Variants in EXOC6 observed in about 807,000 individuals in gnomAD.
The protein encoded by EXOC6 is SEC15-like 1.
Under a neutral mutation model 112.5 loss-of-function variants are expected in EXOC6, and 60 were observed. That is an observed-to-expected ratio of 0.53 (90% CI 0.43 to 0.66). The LOEUF (loss-of-function observed/expected upper bound fraction) is 0.66, where lower values mean the gene tolerates loss of function less well. Among genes scored for constraint, EXOC6 ranks in the 30% least tolerant of loss-of-function variants. The probability of loss-of-function intolerance (pLI) is 0.00; values close to 1 mark genes in which losing one functional copy is unlikely to be tolerated. For synonymous variants in EXOC6, 295 were observed against 308.0 expected, an observed-to-expected ratio of 0.96 and a Z score of 0.44; for missense variants, 855 against 957.1, an observed-to-expected ratio of 0.89 and a Z score of 1.41.
chr10:93,053,274 C>T (rs1846388185), intron 20 of EXOC6, among the ~76,000 whole-genome samples: 2 of 152,174 alleles, frequency 1.3e-5, no homozygotes, highest in Non-Finnish European at 2.9e-5. Flanking sequence ...TGGATAGCTG[C>T]CTGTGGAAAT....
At chr10:92,988,839 A>ACACACG (rs939938926) in intron 18 of EXOC6, among the ~76,000 whole-genome samples, 9 of 145,322 alleles carry the variant, frequency 6.2e-5, no homozygotes, top group Non-Finnish European at 1.1e-4. Context: ...ACACACACAC[A>ACACACG]CGCATTTCTG....
rs77246624 is a variant in EXOC6 at position 92,948,383 on chromosome 10, C to G, written c.1416+4C>G. ...TCAAGATCCAGACCTTGAAAAGGTA[C>G]AAGCTAGTTTTTAATTCAAGGATTT... On this transcript the variant is annotated splice_donor_region_variant and intron_variant, in intron 14 of 21. Transcript: ENST00000260762. 4.4e-4 allele frequency: 658 copies of G among 1,485,440 alleles called. 3 individuals carry two copies. In the African/African-American group the frequency reaches 7.3e-3, roughly 17 times the overall value. 92.0% of individuals were successfully genotyped at this position (1,485,440 alleles called of 1,614,324 possible).
intron 6 of EXOC6, among the ~76,000 whole-genome samples, chr10:92,911,367 C>A (rs761649721): frequency 9.9e-5 from 15 of 152,156 alleles, no homozygotes; most frequent in Non-Finnish European, 2.1e-4. Flanking sequence ...TTTCTCCTAC[C>A]TCTGGCCAAG....
At chr10:92,927,009 T>C (rs979754807) in intron 8 of EXOC6, among the ~76,000 whole-genome samples, 3 of 152,228 alleles carry the variant, frequency 2.0e-5, no homozygotes, top group Admixed American at 1.3e-4. Context: ...CTTATTGAAA[T>C]TATTTTAATT....
Position 92,941,221 on chromosome 10 carries a change from C to CT in EXOC6, c.1310+399dup, listed in dbSNP as rs143526909. 4.5e-3 allele frequency among the ~76,000 whole-genome samples: 692 copies of CT among 152,326 alleles called. 3 individuals carry two copies. Among genetic ancestry groups the CT allele is most frequent in the Non-Finnish European group, 8.0e-3 (545 of 68,016 alleles). On this transcript the variant is annotated intron_variant, in intron 13 of 21. Transcript: ENST00000260762. ...TGGATCATTTCACTTAACACAGTGT[C>CT]TTCAAGGTTCATCCATATTGTAGCA...
chr10:93,003,041 C>A (rs1843826283), intron 19 of EXOC6, among the ~76,000 whole-genome samples: 1 of 152,092 alleles, frequency 6.6e-6, no homozygotes, highest in African/African-American at 2.4e-5. Flanking sequence ...AAATGCTGGG[C>A]AACTCAGAAA....
intron 17 of EXOC6, among the ~76,000 whole-genome samples, chr10:92,965,326 C>T (rs764887642): frequency 1.1e-4 from 17 of 152,034 alleles, no homozygotes; most frequent in Non-Finnish European, 1.9e-4. Flanking sequence ...TGGTTGGGAA[C>T]CACAGATAGT....
At chr10:92,949,815 C>T (rs1035424030) in intron 14 of EXOC6, among the ~76,000 whole-genome samples, 1 of 151,972 alleles carries the variant, frequency 6.6e-6, no homozygotes, top group Admixed American at 6.6e-5. Flanking sequence ...AGGCTGGTCT[C>T]GAACTCCTGA....
chr10:92,909,439 C>A lies in EXOC6; in HGVS notation c.471C>A (p.Ala157=). Residue 157 remains alanine (A), a synonymous_variant, in exon 6 of 22, where the codon GCC becomes GCA. Transcript: ENST00000260762. ...EQMSAKRYYS[A]LKTMEQLENV... is the part of the protein sequence containing the mutation. Reference sequence around the variant, plus strand: ...TAACTTCTCACAGGTACTATTCTGCCCTAAAAACTATGGAACAATTAGAGA... The same window carrying A: ...TAACTTCTCACAGGTACTATTCTGCACTAAAAACTATGGAACAATTAGAGA... 6.2e-7 allele frequency: 1 copy of A among 1,610,940 alleles called. No homozygotes were observed. The highest frequency in any genetic ancestry group is 8.5e-7 in the Non-Finnish European group (1 of 1,178,408).
At chr10:92,916,020 G>A in intron 7 of EXOC6, 107 bp downstream of exon 7, 1 of 806,340 alleles carries the variant, frequency 1.2e-6, no homozygotes, top group Non-Finnish European at 1.8e-6. Flanking sequence ...ATAAATTTAT[G>A]TTGTAAAAGT....
At chr10:93,013,436 T>C (rs1844348859) in intron 19 of EXOC6, among the ~76,000 whole-genome samples, 2 of 152,002 alleles carry the variant, frequency 1.3e-5, no homozygotes, top group African/African-American at 4.8e-5. Context: ...TGAAACTCCA[T>C]CTCTACTAAA....
intron 20 of EXOC6, among the ~76,000 whole-genome samples, chr10:93,030,150 T>C (rs1024162797): frequency 2.6e-5 from 4 of 152,180 alleles, no homozygotes; most frequent in African/African-American, 9.6e-5. Context: ...ACAGGTGATC[T>C]GCCTGCCTCG....
At chr10:92,845,196 A>G (rs1249944735), upstream of EXOC6, among the ~76,000 whole-genome samples, 4 of 152,178 alleles carry the variant, frequency 2.6e-5, no homozygotes, top group Non-Finnish European at 5.9e-5. Context: ...TTCCACATGC[A>G]TCTGCAATCT....
At chr10:92,831,880 G>A (rs1429003107), upstream of EXOC6, among the ~76,000 whole-genome samples, 1 of 152,140 alleles carries the variant, frequency 6.6e-6, no homozygotes, top group Non-Finnish European at 1.5e-5. Flanking sequence ...GTATATTTTT[G>A]TTCACATTAT....
intron 1 of EXOC6, among the ~76,000 whole-genome samples, chr10:92,865,428 T>G (rs1848126662): frequency 6.6e-6 from 1 of 151,930 alleles, no homozygotes; most frequent in South Asian, 2.1e-4. Flanking sequence ...CCCAGCTGCT[T>G]AGGAGGCTGA....
chr10:93,039,447 CCCTGGCTCCAAACCT>C (rs1845664399), intron 20 of EXOC6, among the ~76,000 whole-genome samples: 1 of 152,048 alleles, frequency 6.6e-6, no homozygotes, highest in Admixed American at 6.6e-5. Context: ...AAAATCTAAC[CCCTGGCTCCAAACCT>C]CTTAGAAGCT....
At chr10:93,015,757 G>T (rs994751061) in intron 20 of EXOC6, among the ~76,000 whole-genome samples, 2 of 152,066 alleles carry the variant, frequency 1.3e-5, no homozygotes, top group African/African-American at 2.4e-5. Flanking sequence ...ACAATGAGTC[G>T]TGTGGAAATA....
chr10:93,014,810 A>G (rs938058376), intron 20 of EXOC6, among the ~76,000 whole-genome samples: 1 of 152,222 alleles, frequency 6.6e-6, no homozygotes, highest in African/African-American at 2.4e-5. Context: ...CTCTAAGTGT[A>G]GTAACAAATA....
chr10:92,894,598 G>T (rs1243865814), intron 2 of EXOC6, among the ~76,000 whole-genome samples, 196 bp from the exon 3 acceptor site: 1 of 152,102 alleles, frequency 6.6e-6, no homozygotes, highest in Non-Finnish European at 1.5e-5. Context: ...CTGTTAAAAA[G>T]AACTGTCATA....
Sources: gnomAD v4.1 joint callset for allele counts (sites outside exome capture counted in the v4.1 genomes callset) on GRCh38, gnomAD v4.1.1 for gene constraint, MANE v1.5 for transcripts, NCBI Gene and HGNC (gene_info 2026-07-23, HGNC 2026-07-21) for gene names.